The following UNC5D variants were observed in gnomAD, a reference collection of about 807,000 sequenced individuals.
UNC5D encodes the protein netrin receptor UNC5D.
A neutral mutation model predicts 105.4 loss-of-function variants in UNC5D; 39 were observed. The ratio of observed to expected loss-of-function variants is 0.37; its 90% confidence interval spans 0.29 to 0.48. The LOEUF (loss-of-function observed/expected upper bound fraction) is 0.48. UNC5D is among the 20% of genes least tolerant of loss of function. The pLI is 0.98. For synonymous variants in UNC5D, 452 were observed against 450.4 expected (o/e 1.00, Z -0.04); for missense variants, 991 against 1,202.4 (o/e 0.82, Z 2.60).
chr8:35,282,356 C>A (rs556204723), intron 1 of UNC5D, among the ~76,000 whole-genome samples: 66 of 152,168 alleles, frequency 4.3e-4, no homozygotes, highest in African/African-American at 1.6e-3. Context: ...TGGTAGCCTA[C>A]ATTCCTCTTG....
chr8:35,259,721 G>C (rs1804318048), intron 1 of UNC5D, among the ~76,000 whole-genome samples: 1 of 150,560 alleles, frequency 6.6e-6, no homozygotes, highest in Non-Finnish European at 1.5e-5. Context: ...TTTAGCGAGA[G>C]AGAAGAGTGC....
intron 1 of UNC5D, among the ~76,000 whole-genome samples, chr8:35,452,842 AAC>A: frequency 6.6e-6 from 1 of 152,336 alleles, no homozygotes; most frequent in Non-Finnish European, 1.5e-5. Context: ...ATGGAAAGAT[AAC>A]AGACTTACGG....
At chr8:35,249,828 G>A (rs1161975749) in intron 1 of UNC5D, among the ~76,000 whole-genome samples, 1 of 151,926 alleles carries the variant, frequency 6.6e-6, no homozygotes, top group Non-Finnish European at 1.5e-5. Context: ...AATATTCAAG[G>A]TTTGGCTATT....
chr8:35,263,655 A>C (rs1563260322), intron 1 of UNC5D, among the ~76,000 whole-genome samples: 2 of 152,252 alleles, frequency 1.3e-5, no homozygotes, highest in Non-Finnish European at 2.9e-5. Flanking sequence ...ATAAGACTTT[A>C]GTATTTAAAA....
At chr8:35,518,827 T>G (rs1222482021) in intron 1 of UNC5D, among the ~76,000 whole-genome samples, 1 of 152,022 alleles carries the variant, frequency 6.6e-6, no homozygotes, top group Non-Finnish European at 1.5e-5. Flanking sequence ...TCTCTGCCTC[T>G]GAACAGGGCT....
At chr8:35,545,422 G>C (rs186232116) in intron 1 of UNC5D, among the ~76,000 whole-genome samples, 2 of 146,808 alleles carry the variant, frequency 1.4e-5, no homozygotes, top group African/African-American at 5.1e-5. Context: ...GGGTTGGAGA[G>C]GGGGAGAGAG....
chr8:35,404,880 G>A (rs988579702), intron 1 of UNC5D, among the ~76,000 whole-genome samples: 2 of 152,188 alleles, frequency 1.3e-5, no homozygotes, highest in South Asian at 2.1e-4. Flanking sequence ...GTGAGCCACC[G>A]CGCCTGGGTC....
At chr8:35,539,016 A>G (rs995109720) in intron 1 of UNC5D, among the ~76,000 whole-genome samples, 3 of 152,130 alleles carry the variant, frequency 2.0e-5, no homozygotes, top group Admixed American at 2.0e-4. Context: ...ATAAAGTGAA[A>G]ATTTTGATAT....
chr8:35,256,604 A>G (rs1052160122), intron 1 of UNC5D: 5 of 150,912 alleles, frequency 3.3e-5, no homozygotes, highest in African/African-American at 1.2e-4. Context: ...TATGTGCTTT[A>G]CAAAAAAAAA....
intron 1 of UNC5D, among the ~76,000 whole-genome samples, chr8:35,434,884 C>CAA (rs1806901343): frequency 2.0e-5 from 3 of 151,968 alleles, no homozygotes; most frequent in Admixed American, 6.6e-5. Flanking sequence ...ATGATGTGGT[C>CAA]AGTTATTAGT....
intron 4 of UNC5D, among the ~76,000 whole-genome samples, chr8:35,643,141 G>C (rs1822852228): frequency 6.6e-6 from 1 of 152,112 alleles, no homozygotes; most frequent in African/African-American, 2.4e-5. Flanking sequence ...TTGTGGGGGG[G>C]CTGTCCTGTG....
In UNC5D at chr8:35,339,148, A is replaced by G. The variant is rs954450450; in HGVS notation, c.103+103261A>G. Among the ~76,000 whole-genome samples, 4 of 152,220 alleles carry G rather than the reference A, an allele frequency of 2.6e-5. No homozygotes were observed. The East Asian group carries it at 7.7e-4, about 29-fold the overall frequency. On this transcript the variant is annotated intron_variant, in intron 1 of 16. Transcript: ENST00000404895. Reference sequence around the variant, plus strand: ...TTGGGACCTAACTCTACCTTTGAATACAAAGTACAGTGCAAATACATAAAG... The same window carrying G: ...TTGGGACCTAACTCTACCTTTGAATGCAAAGTACAGTGCAAATACATAAAG...
chr8:35,606,328 C>T (rs935955966), intron 4 of UNC5D, among the ~76,000 whole-genome samples: 1 of 152,098 alleles, frequency 6.6e-6, no homozygotes, highest in Admixed American at 6.6e-5. Flanking sequence ...GAATGTGGTA[C>T]ATCCCGTACA....
intron 11 of UNC5D, among the ~76,000 whole-genome samples, chr8:35,737,250 CTCTG>C (rs1172229968): frequency 5.7e-5 from 7 of 122,526 alleles, no homozygotes; most frequent in African/African-American, 1.0e-4. Flanking sequence ...GCAAGATCTG[CTCTG>C]TGTGTGTGTG....
At chr8:35,702,858 G>T (rs760645762) in intron 7 of UNC5D, among the ~76,000 whole-genome samples, 1 of 152,080 alleles carries the variant, frequency 6.6e-6, no homozygotes, top group Non-Finnish European at 1.5e-5. Flanking sequence ...TCCATAGGAG[G>T]ATACACACTG....
chr8:35,699,043 A>C (rs1826992594), intron 7 of UNC5D, among the ~76,000 whole-genome samples: 1 of 152,182 alleles, frequency 6.6e-6, no homozygotes, highest in Non-Finnish European at 1.5e-5. Context: ...ACTGGTAAGA[A>C]AGTCTCATAG....
At chr8:35,283,164 C>A (rs2128852509) in intron 1 of UNC5D, among the ~76,000 whole-genome samples, 1 of 152,114 alleles carries the variant, frequency 6.6e-6, no homozygotes, top group Non-Finnish European at 1.5e-5. Flanking sequence ...ATGTCATGTA[C>A]AAAGGAGAAC....
intron 1 of UNC5D, among the ~76,000 whole-genome samples, chr8:35,511,956 G>A (rs1368845500): frequency 6.6e-6 from 1 of 152,064 alleles, no homozygotes; most frequent in African/African-American, 2.4e-5. Flanking sequence ...GACAGGCAAT[G>A]GTTGCCTCCA....
chr8:35,314,250 G>T (rs1374682107), intron 1 of UNC5D, among the ~76,000 whole-genome samples: 1 of 152,054 alleles, frequency 6.6e-6, no homozygotes, highest in Non-Finnish European at 1.5e-5. Context: ...TGAGTATATG[G>T]GTTCTTTCCT....
Sources: gnomAD v4.1 joint callset for allele counts (sites outside exome capture counted in the v4.1 genomes callset) on GRCh38, gnomAD v4.1.1 for gene constraint, MANE v1.5 for transcripts, NCBI Gene and HGNC (gene_info 2026-07-23, HGNC 2026-07-21) for gene names.